The following TACC2 variants were observed in gnomAD, a reference collection of about 807,000 sequenced individuals.
TACC2 encodes the protein transforming acidic coiled-coil-containing protein 2.
In TACC2, 137 loss-of-function variants were observed where a neutral mutation model predicts 227.3. That is an observed-to-expected ratio of 0.60 (90% CI 0.52 to 0.69). The LOEUF (loss-of-function observed/expected upper bound fraction) is 0.69, where lower values mean the gene tolerates loss of function less well. Among genes scored for constraint, TACC2 ranks in the 30% least tolerant of loss-of-function variants. The pLI, the probability that TACC2 is intolerant of heterozygous loss-of-function variation, is 0.00. For missense variants in TACC2, 3,470 were observed against 3,694.4 expected, an observed-to-expected ratio of 0.94 and a Z score of 1.57; for synonymous variants, 1,523 against 1,487.5, an observed-to-expected ratio of 1.02 and a Z score of -0.55.
intron 12 of TACC2, among the ~76,000 whole-genome samples, chr10:122,225,108 G>A (rs537582020): frequency 1.8e-4 from 27 of 150,396 alleles, no homozygotes; most frequent in Non-Finnish European, 3.5e-4. Flanking sequence ...TCAGGTATAC[G>A]ATTAGCTGTT....
At chr10:122,187,226 C>T (rs2094233366) in intron 7 of TACC2, among the ~76,000 whole-genome samples, 1 of 152,178 alleles carries the variant, frequency 6.6e-6, no homozygotes, top group African/African-American at 2.4e-5. Context: ...ACACTGAGCC[C>T]CCTTCATTCT....
At chr10:122,224,700 G>T (rs1457363292) in intron 11 of TACC2, 26 bp from the exon 12 acceptor site, 24 of 1,610,586 alleles carry the variant, frequency 1.5e-5, no homozygotes, top group Non-Finnish European at 2.0e-5. Context: ...GTTTTTTTGT[G>T]TTTGTGTTTG....
At chr10:122,113,986 A>T (rs997302678) in intron 5 of TACC2, among the ~76,000 whole-genome samples, 8 of 152,234 alleles carry the variant, frequency 5.3e-5, no homozygotes, top group African/African-American at 1.9e-4. Context: ...GTCTTTTCTT[A>T]AAATGGCTTC....
intron 7 of TACC2, among the ~76,000 whole-genome samples, chr10:122,188,965 G>T (rs1383319232): frequency 1.3e-5 from 2 of 152,182 alleles, no homozygotes; most frequent in African/African-American, 4.8e-5. Context: ...CTGGCTGGCT[G>T]CTTCTCAGTC....
At chr10:122,252,827 G>A (rs1177560550) in intron 22 of TACC2, among the ~76,000 whole-genome samples, 1 of 152,152 alleles carries the variant, frequency 6.6e-6, no homozygotes, top group Non-Finnish European at 1.5e-5. Context: ...GGTCAGTGCT[G>A]TATCCCATTC....
intron 7 of TACC2, among the ~76,000 whole-genome samples, chr10:122,188,613 G>T (rs1343334235): frequency 2.0e-5 from 3 of 152,128 alleles, no homozygotes; most frequent in Non-Finnish European, 4.4e-5. Flanking sequence ...ATTCAGAATT[G>T]GGTTCCTGTT....
chr10:122,104,942 A>C (rs2082580379), intron 5 of TACC2, among the ~76,000 whole-genome samples: 1 of 152,208 alleles, frequency 6.6e-6, no homozygotes, highest in Non-Finnish European at 1.5e-5. Context: ...GATAGACGTA[A>C]GCATAAGAAC....
chr10:122,036,190 C>A (rs1409611046), intron 2 of TACC2, among the ~76,000 whole-genome samples: 1 of 143,080 alleles, frequency 7.0e-6, no homozygotes, highest in Non-Finnish European at 1.5e-5. Flanking sequence ...TTTTGCTAAT[C>A]CATTCTTTTT....
rs1167258528 is a variant in TACC2 at position 122,117,218 on chromosome 10, CAG to C, written c.5574-15388_5574-15387del. On this transcript the variant is annotated intron_variant, in intron 5 of 22. Coordinates refer to ENST00000369005, the MANE Select transcript of TACC2 (RefSeq NM_206862.4). ...TTTTTTTTTTTTTTTTTCTTTGAGA[CAG>C]AGTCTCGCTCTGTCACCAGGCTGGA... 3.0e-5 allele frequency among the ~76,000 whole-genome samples: 4 copies of C among 134,020 alleles called. No individual in the cohort carries two copies. The East Asian group carries it at 9.4e-4, about 32-fold the overall frequency. 87.9% of individuals were successfully genotyped at this position (134,020 alleles called of 152,430 possible). A position where few individuals can be genotyped will look rare whatever the true frequency, so the allele number is the denominator to read the frequency against.
chr10:122,016,388 G>A (rs534853222), intron 1 of TACC2, among the ~76,000 whole-genome samples: 1 of 151,852 alleles, frequency 6.6e-6, no homozygotes, highest in East Asian at 1.9e-4. Context: ...CCAACATGGC[G>A]AAACCCCGTC....
At chr10:122,070,512 T>G (rs1458598665) in intron 3 of TACC2, among the ~76,000 whole-genome samples, 1 of 152,028 alleles carries the variant, frequency 6.6e-6, no homozygotes, top group Non-Finnish European at 1.5e-5. Flanking sequence ...CCCAGCATTT[T>G]GGAGGCTAAG....
In TACC2 at chr10:122,084,324, A is replaced by C. The variant is rs2079859669; in HGVS notation, c.1824A>C (p.Pro608=). The stretch of plus-strand genomic sequence containing the variant: ...AGGCTTTCAGCAGCAAGCGTGATCC[A>C]GAAGTAGGCAAAGATGAGCTTTCAA... ...DSQAFSSKRD[P]EVGKDELSKP... The change falls in exon 4 of 23, where the codon CCA becomes CCC. Residue 608 remains proline (P), a synonymous_variant. Coordinates refer to ENST00000369005, the MANE Select transcript of TACC2 (RefSeq NM_206862.4). The C allele has an allele frequency of 1.2e-6, 2 of 1,613,820 alleles. No homozygotes were observed. The highest frequency in any genetic ancestry group is 4.5e-5 in the East Asian group (2 of 44,890).
intron 3 of TACC2, among the ~76,000 whole-genome samples, chr10:122,068,468 A>G (rs564382920): frequency 6.6e-6 from 1 of 152,262 alleles, no homozygotes; most frequent in South Asian, 2.1e-4. Context: ...AGTTATTTGG[A>G]ACAACTTAAT....
At chr10:122,204,203 G>C (rs1199252135) in intron 8 of TACC2, among the ~76,000 whole-genome samples, 1 of 146,466 alleles carries the variant, frequency 6.8e-6, no homozygotes, top group Non-Finnish European at 1.5e-5. Flanking sequence ...GGGAGGGGGA[G>C]GGGTAGATTT....
chr10:122,033,827 G>A (rs1192007347), intron 2 of TACC2, among the ~76,000 whole-genome samples: 1 of 151,996 alleles, frequency 6.6e-6, no homozygotes, highest in Non-Finnish European at 1.5e-5. Flanking sequence ...ACCTGGCCAG[G>A]CGTGGCAGTC....
chr10:122,047,317 A>C (rs1187222416), intron 2 of TACC2, among the ~76,000 whole-genome samples: 1 of 141,050 alleles, frequency 7.1e-6, no homozygotes, highest in Non-Finnish European at 1.5e-5. Flanking sequence ...AAAAAAAAAG[A>C]ATCTTTCTTT....
chr10:122,149,300 C>T (rs2091775097), intron 7 of TACC2, among the ~76,000 whole-genome samples: 1 of 152,200 alleles, frequency 6.6e-6, no homozygotes, highest in Non-Finnish European at 1.5e-5. Flanking sequence ...GAAACCTGGC[C>T]AAGGGCTGTC....
chr10:121,997,804 A>G (rs1009296936), intron 1 of TACC2, among the ~76,000 whole-genome samples: 1 of 152,130 alleles, frequency 6.6e-6, no homozygotes, highest in African/African-American at 2.4e-5. Flanking sequence ...AAATACAATT[A>G]TGTACCCTTG....
rs3752956 is a variant in TACC2 at position 122,214,913 on chromosome 10, C to T, written c.7284-478C>T. On this transcript the variant is annotated intron_variant, in intron 9 of 22. Transcript: ENST00000369005. ...GATAGGGAGGATTCAGGAGGTTCTC[C>T]TTGAGGACCCCGAACTTTCTATTTC... Among the ~76,000 whole-genome samples the T allele has an allele frequency of 0.011, 1,660 of 152,120 alleles. 112 individuals are homozygous for T. In the East Asian group the frequency reaches 0.21, roughly 19 times the overall value.
Sources: gnomAD v4.1 joint callset for allele counts (sites outside exome capture counted in the v4.1 genomes callset) on GRCh38, gnomAD v4.1.1 for gene constraint, MANE v1.5 for transcripts, NCBI Gene and HGNC (gene_info 2026-07-23, HGNC 2026-07-21) for gene names.